Variants in PDZD8 observed in about 807,000 individuals in gnomAD.
PDZD8 encodes the protein PDZ domain-containing protein 8.
Under a neutral mutation model 85.8 loss-of-function variants are expected in PDZD8, and 14 were observed. The observed-to-expected ratio is 0.16, with a 90% confidence interval of 0.11 to 0.26. The LOEUF (loss-of-function observed/expected upper bound fraction) is 0.26. PDZD8 is among the 10% of genes least tolerant of loss of function. The pLI, the probability that PDZD8 is intolerant of heterozygous loss-of-function variation, is 1.00. For synonymous variants in PDZD8, 592 were observed against 568.6 expected (o/e 1.04, Z -0.59); for missense variants, 1,197 against 1,424.3 (o/e 0.84, Z 2.57).
intron 1 of PDZD8, among the ~76,000 whole-genome samples, chr10:117,349,824 T>A (rs1020481354): frequency 5.3e-5 from 8 of 151,528 alleles, no homozygotes; most frequent in Non-Finnish European, 8.8e-5. Context: ...AATAAAAAAA[T>A]AAAAATAAAT....
At chr10:117,349,034 G>C (rs1473932341) in intron 1 of PDZD8, among the ~76,000 whole-genome samples, 1 of 152,208 alleles carries the variant, frequency 6.6e-6, no homozygotes, top group Non-Finnish European at 1.5e-5. Flanking sequence ...AGAACAAAAA[G>C]CTTGCTGAAG....
chr10:117,312,050 C>T (rs1844047529), intron 3 of PDZD8, among the ~76,000 whole-genome samples: 1 of 152,042 alleles, frequency 6.6e-6, no homozygotes, highest in Non-Finnish European at 1.5e-5. Flanking sequence ...TTGGTCAAAC[C>T]TAGCTGAAAT....
At chr10:117,294,586 A>G (rs1344847282) in intron 3 of PDZD8, among the ~76,000 whole-genome samples, 2 of 152,224 alleles carry the variant, frequency 1.3e-5, no homozygotes, top group Non-Finnish European at 2.9e-5. Flanking sequence ...CACAAGAGCC[A>G]AGCTATGGAA....
intron 4 of PDZD8, among the ~76,000 whole-genome samples, chr10:117,288,231 G>A (rs1202056938): frequency 6.6e-6 from 1 of 152,026 alleles, no homozygotes; most frequent in Admixed American, 6.6e-5. Context: ...CCATATAAAT[G>A]AATCAAAGCG....
At chr10:117,303,374 TAAG>T (rs1390543619) in intron 3 of PDZD8, among the ~76,000 whole-genome samples, 1 of 152,192 alleles carries the variant, frequency 6.6e-6, no homozygotes, top group Non-Finnish European at 1.5e-5. Flanking sequence ...AAGAAATTTC[TAAG>T]AAGAAAAGCA....
At chr10:117,373,467 G>C (rs369242698) in intron 1 of PDZD8, among the ~76,000 whole-genome samples, 10 of 152,008 alleles carry the variant, frequency 6.6e-5, no homozygotes, top group African/African-American at 2.4e-4. Context: ...GCTGTGGAAA[G>C]TATTCCCGGG....
intron 1 of PDZD8, among the ~76,000 whole-genome samples, chr10:117,353,383 A>G (rs906161255): frequency 6.6e-6 from 1 of 152,182 alleles, no homozygotes; most frequent in Non-Finnish European, 1.5e-5. Flanking sequence ...GTCCTCCAAG[A>G]AAGACCCATA....
intron 2 of PDZD8, among the ~76,000 whole-genome samples, chr10:117,319,530 C>T (rs79553983): frequency 0.014 from 2,105 of 151,974 alleles, 54 homozygotes; most frequent in African/African-American, 0.047. Flanking sequence ...ATAGTACTTA[C>T]CTCTGAGAAC....
intron 2 of PDZD8, among the ~76,000 whole-genome samples, chr10:117,337,321 T>C (rs939624171): frequency 5.3e-5 from 8 of 152,160 alleles, no homozygotes; most frequent in Admixed American, 3.9e-4. Context: ...ATTGCAACAC[T>C]AATGTGAAAT....
intron 3 of PDZD8, among the ~76,000 whole-genome samples, chr10:117,310,550 C>T (rs536166592): frequency 5.3e-5 from 8 of 152,244 alleles, no homozygotes; most frequent in African/African-American, 1.2e-4. Context: ...CAGAGAACTA[C>T]ATCCCTCATT....
chr10:117,373,807 A>C (rs1022308050), intron 1 of PDZD8, among the ~76,000 whole-genome samples: 1 of 151,868 alleles, frequency 6.6e-6, no homozygotes, highest in African/African-American at 2.4e-5. Flanking sequence ...AAACCCACAA[A>C]AGTATTCCTT....
rs929803744 is a variant in PDZD8 at position 117,281,032 on chromosome 10, G to A, written c.*2236C>T. On this transcript the variant is annotated 3_prime_UTR_variant, in exon 5 of 5. Transcript: ENST00000334464. ...TATGGAACAATACTTTAGCTTTCAG[G>A]GAATTTGGTGTGTAAATTCTTCTAT... The A allele has an allele frequency of 3.3e-5, 5 of 152,056 alleles. No individual in the cohort carries two copies. Among genetic ancestry groups the A allele is most frequent in the Non-Finnish European group, 7.4e-5 (5 of 68,000 alleles). The allele number at this position is 152,056 out of a possible 1,614,324, so 9.4% of individuals were successfully genotyped here.
intron 3 of PDZD8, among the ~76,000 whole-genome samples, chr10:117,312,725 T>C (rs76033680): frequency 0.01 from 1,555 of 152,300 alleles, 22 homozygotes; most frequent in African/African-American, 0.035. Flanking sequence ...CCATTAGTCA[T>C]TCACCCACCT....
chr10:117,371,876 G>A (rs1436109285), intron 1 of PDZD8, among the ~76,000 whole-genome samples: 1 of 152,132 alleles, frequency 6.6e-6, no homozygotes, highest in African/African-American at 2.4e-5. Context: ...CCAGGAGGTC[G>A]AAGCTGCCGT....
intron 1 of PDZD8, among the ~76,000 whole-genome samples, chr10:117,350,053 T>C (rs1416400247): frequency 6.6e-6 from 1 of 152,168 alleles, no homozygotes; most frequent in Non-Finnish European, 1.5e-5. Flanking sequence ...ACTTATTACA[T>C]ACTTAGCATG....
chr10:117,323,636 A>C (rs1844264736), intron 2 of PDZD8, among the ~76,000 whole-genome samples: 1 of 152,158 alleles, frequency 6.6e-6, no homozygotes, highest in Admixed American at 6.5e-5. Flanking sequence ...CTTTGTTGAA[A>C]GGGACCTGAG....
chr10:117,360,125 T>C (rs1389435860), intron 1 of PDZD8, among the ~76,000 whole-genome samples: 3 of 152,200 alleles, frequency 2.0e-5, no homozygotes, highest in Non-Finnish European at 4.4e-5. Context: ...AGTTTTTATA[T>C]ATATGCTGAA....
intron 1 of PDZD8, among the ~76,000 whole-genome samples, chr10:117,369,367 C>T (rs2133892686): frequency 6.6e-6 from 1 of 152,064 alleles, no homozygotes; most frequent in African/African-American, 2.4e-5. Context: ...CCATGTTGAC[C>T]AGGCTGGTCT....
In PDZD8 at chr10:117,279,975, T is replaced by A. The variant is rs1844555290; in HGVS notation, c.*3293A>T. On this transcript the variant is annotated 3_prime_UTR_variant, in exon 5 of 5. Coordinates refer to ENST00000334464, the MANE Select transcript of PDZD8 (RefSeq NM_173791.5). Reference sequence around the variant, plus strand: ...TAGGTATTTAAAATTTATTCACTTTTAGGGGACTTAACATTTTATTATTTA... The same window carrying A: ...TAGGTATTTAAAATTTATTCACTTTAAGGGGACTTAACATTTTATTATTTA... 1 of 152,224 alleles carries A rather than the reference T, an allele frequency of 6.6e-6. No individual in the cohort carries two copies. Among genetic ancestry groups the A allele is most frequent in the South Asian group, 2.1e-4 (1 of 4,830 alleles). The allele number at this position is 152,224 out of a possible 1,614,324, so 9.4% of individuals were successfully genotyped here. A position where few individuals can be genotyped will look rare whatever the true frequency, so the allele number is the denominator to read the frequency against.
Sources: gnomAD v4.1 joint callset for allele counts (sites outside exome capture counted in the v4.1 genomes callset) on GRCh38, gnomAD v4.1.1 for gene constraint, MANE v1.5 for transcripts, NCBI Gene and HGNC (gene_info 2026-07-23, HGNC 2026-07-21) for gene names.